SMYD3: variants seen among roughly 807,000 people sequenced by gnomAD.
SMYD3 encodes the protein histone-lysine N-methyltransferase SMYD3.
A neutral mutation model predicts 57.7 loss-of-function variants in SMYD3; 36 were observed. That is an observed-to-expected ratio of 0.62 (90% CI 0.48 to 0.82). The LOEUF is 0.82. Ranked by LOEUF, SMYD3 falls within the 40% of genes least tolerant of loss-of-function variation. The pLI, the probability that SMYD3 is intolerant of heterozygous loss-of-function variation, is 0.00. For missense variants in SMYD3, 515 were observed against 538.8 expected (o/e 0.96, Z 0.44); for synonymous variants, 211 against 195.0 (o/e 1.08, Z -0.68).
At chr1:246,038,258 T>A (rs947882584) in intron 5 of SMYD3, among the ~76,000 whole-genome samples, 35 of 152,218 alleles carry the variant, frequency 2.3e-4, no homozygotes, top group African/African-American at 8.2e-4. Context: ...TGGCTTCTAG[T>A]TTTTATGTCA....
intron 10 of SMYD3, among the ~76,000 whole-genome samples, chr1:245,807,460 C>T (rs1428757401): frequency 6.6e-6 from 1 of 152,170 alleles, no homozygotes; most frequent in Admixed American, 6.5e-5. Flanking sequence ...AATGTTGACA[C>T]CTTGTTCACT....
intron 7 of SMYD3, among the ~76,000 whole-genome samples, chr1:245,920,695 G>A (rs1432169493): frequency 1.3e-5 from 2 of 152,156 alleles, no homozygotes; most frequent in Non-Finnish European, 2.9e-5. Context: ...ACAAAAATAA[G>A]CAATGAGCAA....
At chr1:246,448,488 G>T (rs889230586) in intron 1 of SMYD3, among the ~76,000 whole-genome samples, 1 of 151,934 alleles carries the variant, frequency 6.6e-6, no homozygotes, top group Non-Finnish European at 1.5e-5. Flanking sequence ...ATAAACAAAT[G>T]GTCAAAGGCC....
intron 5 of SMYD3, among the ~76,000 whole-genome samples, chr1:246,269,852 C>T (rs192322313): frequency 3.5e-4 from 53 of 152,222 alleles, no homozygotes; most frequent in African/African-American, 1.3e-3. Flanking sequence ...GGATTCCGGG[C>T]GTGTACCACC....
At chr1:246,162,615 A>G (rs2062141424) in intron 5 of SMYD3, among the ~76,000 whole-genome samples, 1 of 152,168 alleles carries the variant, frequency 6.6e-6, no homozygotes, top group African/African-American at 2.4e-5. Context: ...AATAACCAGC[A>G]CTTCCTAACA....
intron 1 of SMYD3, among the ~76,000 whole-genome samples, chr1:246,378,261 C>T (rs1286995036): frequency 1.3e-5 from 2 of 152,126 alleles, no homozygotes; most frequent in Non-Finnish European, 2.9e-5. Context: ...TAGTTGACCA[C>T]TGTGATGGTT....
At chr1:245,866,803 C>G (rs960098481) in intron 8 of SMYD3, among the ~76,000 whole-genome samples, 2 of 152,156 alleles carry the variant, frequency 1.3e-5, no homozygotes, top group African/African-American at 4.8e-5. Flanking sequence ...TATTCATCTC[C>G]TAAAGATCAC....
chr1:246,274,145 A>G (rs1469620442), intron 5 of SMYD3, among the ~76,000 whole-genome samples: 1 of 152,210 alleles, frequency 6.6e-6, no homozygotes, highest in Middle Eastern at 3.2e-3. Context: ...GGGACTCTAA[A>G]GCAAGTTCTT....
At position 246,497,666 on chromosome 1, in the gene SMYD3, C is replaced by T. The variant is rs981054285; in HGVS notation, c.164+9388G>A. On this transcript the variant is annotated intron_variant, in intron 1 of 11. Transcript: ENST00000490107. ...ATCTCAAAGTGAGTGGGAGGACAGC[C>T]TCCTAGGGAGATCTCATCTCTAAAA... Among the ~76,000 whole-genome samples the T allele has an allele frequency of 1.2e-4, 18 of 152,044 alleles. No homozygotes were observed. In the South Asian group the frequency reaches 1.9e-3, roughly 16 times the overall value.
At chr1:246,175,157 TACAG>T (rs1208302608) in intron 5 of SMYD3, among the ~76,000 whole-genome samples, 1 of 152,216 alleles carries the variant, frequency 6.6e-6, no homozygotes, top group Admixed American at 6.5e-5. Context: ...GCACTGGTGA[TACAG>T]ACAAACATTC....
At chr1:246,262,708 A>G (rs1216422907) in intron 5 of SMYD3, among the ~76,000 whole-genome samples, 4 of 152,124 alleles carry the variant, frequency 2.6e-5, no homozygotes, top group Admixed American at 6.5e-5. Context: ...TAGGTTCTCA[A>G]TGAAGATTCA....
At chr1:246,455,291 C>T (rs933428411) in intron 1 of SMYD3, among the ~76,000 whole-genome samples, 5 of 152,020 alleles carry the variant, frequency 3.3e-5, no homozygotes, top group Admixed American at 6.5e-5. Flanking sequence ...ATTGGAAAAC[C>T]ACCACATTTG....
chr1:245,955,815 A>G (rs1039742892), intron 5 of SMYD3: 3 of 433,370 alleles, frequency 6.9e-6, no homozygotes, highest in East Asian at 1.6e-4. Context: ...TTAGCTTTGC[A>G]TACTTTTGGC....
chr1:245,898,441 T>C (rs1349541769), intron 8 of SMYD3, among the ~76,000 whole-genome samples: 2 of 152,206 alleles, frequency 1.3e-5, no homozygotes, highest in Admixed American at 1.3e-4. Flanking sequence ...GCAGGTTGAA[T>C]GTTAGGGTCG....
intron 2 of SMYD3, among the ~76,000 whole-genome samples, chr1:246,353,197 T>C (rs1368020983): frequency 1.6e-4 from 24 of 152,172 alleles, no homozygotes; most frequent in Admixed American, 1.6e-3. Context: ...AGAAATAATA[T>C]TATTGTTTTG....
chr1:246,066,884 A>G (rs12030311), intron 5 of SMYD3, among the ~76,000 whole-genome samples: 3,034 of 152,298 alleles, frequency 0.02, 144 homozygotes, highest in East Asian at 0.16. Context: ...CCACTGGGAA[A>G]AATGTTAAAA....
chr1:246,273,520 C>T (rs2064268603), intron 5 of SMYD3, among the ~76,000 whole-genome samples: 1 of 146,700 alleles, frequency 6.8e-6, no homozygotes, highest in African/African-American at 2.5e-5. Context: ...CATCTATCTA[C>T]AAGTTTGACA....
chr1:246,408,813 G>A (rs1272720239), intron 1 of SMYD3, among the ~76,000 whole-genome samples: 1 of 152,042 alleles, frequency 6.6e-6, no homozygotes, highest in East Asian at 1.9e-4. Context: ...GGAATTACAG[G>A]TGCCTGCCAC....
chr1:246,182,940 C>A (rs186580228), intron 5 of SMYD3, among the ~76,000 whole-genome samples: 23 of 152,276 alleles, frequency 1.5e-4, no homozygotes, highest in African/African-American at 5.5e-4. Context: ...CCCCTAAGTA[C>A]AAATGAGCAT....
Sources: gnomAD v4.1 joint callset for allele counts (sites outside exome capture counted in the v4.1 genomes callset) on GRCh38, gnomAD v4.1.1 for gene constraint, MANE v1.5 for transcripts, NCBI Gene and HGNC (gene_info 2026-07-23, HGNC 2026-07-21) for gene names.